TMEM17: variants seen among roughly 807,000 people sequenced by gnomAD.
TMEM17 encodes transmembrane protein 17.
TMEM17 carries 15 observed loss-of-function variants against 19.1 expected under a neutral mutation model. The ratio of observed to expected loss-of-function variants is 0.78; its 90% confidence interval spans 0.52 to 1.21. The LOEUF is 1.21. Ranked by LOEUF, TMEM17 falls within the 50% of genes most tolerant of loss-of-function variation. The pLI is 0.00. For synonymous variants in TMEM17, 103 were observed against 86.9 expected (o/e 1.19, Z -1.03); for missense variants, 245 against 242.3 (o/e 1.01, Z -0.07).
the TMEM17 span, among the ~76,000 whole-genome samples, chr2:62,467,388 G>A: frequency 1.1e-4 from 17 of 152,230 alleles, no homozygotes; most frequent in East Asian, 1.5e-3. Flanking sequence ...AAGGACTTGC[G>A]AAAGTCCCAC....
chr2:62,482,493 A>G, the TMEM17 span, among the ~76,000 whole-genome samples: 1 of 152,214 alleles, frequency 6.6e-6, no homozygotes, highest in African/African-American at 2.4e-5. Flanking sequence ...TGGGGAACTC[A>G]TCCAGTGCAG....
chr2:62,497,924 T>C (rs1210117673), downstream of TMEM17, among the ~76,000 whole-genome samples: 1 of 152,222 alleles, frequency 6.6e-6, no homozygotes, highest in Non-Finnish European at 1.5e-5. Context: ...ACTTCCCTCA[T>C]AAAGTTACGC....
chr2:62,469,000 CCCA>C, the TMEM17 span, among the ~76,000 whole-genome samples: 1 of 152,222 alleles, frequency 6.6e-6, no homozygotes, highest in Non-Finnish European at 1.5e-5. Flanking sequence ...ATGGCAGCCA[CCCA>C]CCTCTTTTAC....
the TMEM17 span, among the ~76,000 whole-genome samples, chr2:62,468,737 C>T: frequency 1.3e-5 from 2 of 152,176 alleles, no homozygotes; most frequent in Admixed American, 6.5e-5. Context: ...ACCAAGGATG[C>T]TTGTATTTGT....
the TMEM17 span, among the ~76,000 whole-genome samples, chr2:62,478,205 C>T: frequency 1.3e-5 from 2 of 152,196 alleles, no homozygotes; most frequent in Non-Finnish European, 2.9e-5. Flanking sequence ...ATGAGTCTCC[C>T]TATCCTGAGG....
At chr2:62,466,481 T>A in the TMEM17 span, among the ~76,000 whole-genome samples, 10 of 152,114 alleles carry the variant, frequency 6.6e-5, no homozygotes, top group African/African-American at 2.4e-4. Context: ...TGACTTGCTA[T>A]GTTCAGAGAG....
At chr2:62,477,409 A>AAAC in the TMEM17 span, among the ~76,000 whole-genome samples, 4 of 93,170 alleles carry the variant, frequency 4.3e-5, no homozygotes, top group African/African-American at 8.1e-5. Flanking sequence ...AACAAACAAA[A>AAAC]AAATCTCTCA....
the TMEM17 span, among the ~76,000 whole-genome samples, chr2:62,489,861 A>C: frequency 2.0e-5 from 3 of 152,330 alleles, no homozygotes; most frequent in African/African-American, 7.2e-5. Context: ...TGAGCTCCAC[A>C]GTCTTTACAC....
the TMEM17 span, among the ~76,000 whole-genome samples, chr2:62,471,915 G>A: frequency 6.6e-4 from 100 of 152,366 alleles, no homozygotes; most frequent in Admixed American, 2.2e-3. Flanking sequence ...CTGGCAGAGG[G>A]ACTCTTGGCC....
chr2:62,477,856 T>C, the TMEM17 span, among the ~76,000 whole-genome samples: 3 of 152,226 alleles, frequency 2.0e-5, no homozygotes, highest in South Asian at 6.2e-4. Context: ...CTTTATCTGC[T>C]GTCTCCTACC....
chr2:62,500,010 C>A (rs1453846957), downstream of TMEM17, among the ~76,000 whole-genome samples: 1 of 152,182 alleles, frequency 6.6e-6, no homozygotes, highest in Non-Finnish European at 1.5e-5. Context: ...GTTTCCAAAT[C>A]AAGCCTCACG....
At chr2:62,484,295 T>C in the TMEM17 span, among the ~76,000 whole-genome samples, 3 of 152,174 alleles carry the variant, frequency 2.0e-5, no homozygotes, top group Non-Finnish European at 4.4e-5. Context: ...ACAGTTGGGA[T>C]GCATATGAGC....
the TMEM17 span, among the ~76,000 whole-genome samples, chr2:62,469,054 C>G: frequency 6.7e-6 from 1 of 149,102 alleles, no homozygotes; most frequent in Non-Finnish European, 1.5e-5. Context: ...CCAAACAATA[C>G]CTTTACTGTT....
At chr2:62,491,105 A>AAAAC in the TMEM17 span, 54 of 147,198 alleles carry the variant, frequency 3.7e-4, no homozygotes, top group East Asian at 1.2e-3. Flanking sequence ...AAAAAAAAAA[A>AAAAC]CCTCTTCAGT....
chr2:62,503,597 T>G (rs1164620927), intron 1 of TMEM17, among the ~76,000 whole-genome samples: 4 of 152,244 alleles, frequency 2.6e-5, no homozygotes, highest in African/African-American at 9.6e-5. Context: ...ACAGGCTGTT[T>G]GTGAGAATTA....
the TMEM17 span, among the ~76,000 whole-genome samples, chr2:62,470,029 G>A: frequency 5.3e-5 from 8 of 152,110 alleles, no homozygotes; most frequent in African/African-American, 1.9e-4. Context: ...TCATTTTCCT[G>A]GCCCCTAAAG....
At chr2:62,505,620 A>G (rs1558724901) in intron 1 of TMEM17, among the ~76,000 whole-genome samples, 1 of 152,194 alleles carries the variant, frequency 6.6e-6, no homozygotes, top group Non-Finnish European at 1.5e-5. Flanking sequence ...CTGGACAGAA[A>G]AGCCGGGGCG....
chr2:62,454,511 T>C, the TMEM17 span, among the ~76,000 whole-genome samples: 3 of 152,076 alleles, frequency 2.0e-5, no homozygotes, highest in African/African-American at 7.2e-5. Context: ...ACTGGGATGA[T>C]CCAGAGAAGT....
chr2:62,498,062 TA>T (rs1679815990), downstream of TMEM17, among the ~76,000 whole-genome samples: 1 of 152,224 alleles, frequency 6.6e-6, no homozygotes, highest in Non-Finnish European at 1.5e-5. Context: ...AAGTGTATGT[TA>T]AAGTAATAAG....
Sources: gnomAD v4.1 joint callset for allele counts (sites outside exome capture counted in the v4.1 genomes callset) on GRCh38, gnomAD v4.1.1 for gene constraint, MANE v1.5 for transcripts, NCBI Gene and HGNC (gene_info 2026-07-23, HGNC 2026-07-21) for gene names.